The following IL1RAPL2 variants were observed in gnomAD, a reference collection of about 807,000 sequenced individuals.
IL1RAPL2 encodes the protein X-linked interleukin-1 receptor accessory protein-like 2.
A neutral mutation model predicts 44.1 loss-of-function variants in IL1RAPL2; 3 were observed. The ratio of observed to expected loss-of-function variants is 0.07; its 90% CI spans 0.03 to 0.18. The LOEUF (loss-of-function observed/expected upper bound fraction) is 0.18, where lower values mean the gene tolerates loss of function less well. Ranked by LOEUF, IL1RAPL2 falls within the 10% of genes least tolerant of loss-of-function variation. IL1RAPL2 has a pLI of 1.00. For missense variants in IL1RAPL2, 391 were observed against 496.4 expected (o/e 0.79, Z 2.02); for synonymous variants, 181 against 178.8 (o/e 1.01, Z -0.10).
At chrX:104,953,627 TACAATGA>T (rs1331752709) in intron 2 of IL1RAPL2, among the ~76,000 whole-genome samples, 1 of 111,937 alleles carries the variant, frequency 8.9e-6, no homozygotes, top group African/African-American at 3.2e-5. Flanking sequence ...TGGCTTAGTA[TACAATGA>T]ACAATGAATC....
chrX:105,480,200 A>T (rs746844845), intron 5 of IL1RAPL2, among the ~76,000 whole-genome samples: 2 of 112,362 alleles, frequency 1.8e-5, no homozygotes, highest in Admixed American at 1.9e-4. Flanking sequence ...TAAACAAATG[A>T]GTCTACTTAT....
intron 5 of IL1RAPL2, among the ~76,000 whole-genome samples, chrX:105,453,677 C>G (rs954415128): frequency 1.8e-5 from 2 of 111,764 alleles, no homozygotes; most frequent in Non-Finnish European, 3.8e-5. Flanking sequence ...ATCTTACATT[C>G]TCCCAATTCC....
At chrX:105,178,222 A>G (rs2033494602) in intron 2 of IL1RAPL2, among the ~76,000 whole-genome samples, 1 of 111,108 alleles carries the variant, frequency 9.0e-6, no homozygotes, top group Non-Finnish European at 1.9e-5. Context: ...GAGTGAGAAC[A>G]TGTGACGTTT....
chrX:105,440,995 G>A (rs1269682700), intron 5 of IL1RAPL2, among the ~76,000 whole-genome samples: 1 of 112,077 alleles, frequency 8.9e-6, no homozygotes, highest in Non-Finnish European at 1.9e-5. Flanking sequence ...CCCCAGCCAT[G>A]TGGAACTGTG....
chrX:105,458,627 A>G lies in IL1RAPL2; in HGVS notation c.698-25686A>G, dbSNP rs987404953. ...ACCTTCTAAATGTTTAAAGCTTTTC[A>G]AAGCCCTCTATGGCCATCTCATTAC... On this transcript the variant is annotated intron_variant, in intron 5 of 10. Coordinates refer to ENST00000372582, the MANE Select transcript of IL1RAPL2 (RefSeq NM_017416.2). Among the ~76,000 whole-genome samples the G allele has an allele frequency of 3.6e-5, 4 of 111,486 alleles. No homozygotes were observed. The Admixed American group carries it at 3.8e-4, about 11-fold the overall frequency.
chrX:104,928,520 C>T (rs913055432), intron 2 of IL1RAPL2, among the ~76,000 whole-genome samples: 3 of 111,286 alleles, frequency 2.7e-5, no homozygotes, highest in South Asian at 3.8e-4. Flanking sequence ...GAGGCTGTGC[C>T]GCACTTACGG....
At chrX:104,755,648 G>A (rs1932329770) in intron 2 of IL1RAPL2, among the ~76,000 whole-genome samples, 1 of 110,979 alleles carries the variant, frequency 9.0e-6, no homozygotes, top group South Asian at 3.8e-4. Context: ...TGAAAGTTGT[G>A]TCAGAACTTC....
chrX:105,701,775 A>G lies in IL1RAPL2; in HGVS notation c.773-15592A>G, dbSNP rs751867006. ...TATCCTTGTTTTTTGCACTGATATC[A>G]TGTGCATTGTTGTGTTGTTGTTGAT... On this transcript the variant is annotated intron_variant, in intron 6 of 10. Transcript: ENST00000372582. Among the ~76,000 whole-genome samples the G allele has an allele frequency of 5.3e-4, 59 of 112,132 alleles. 1 individual carries two copies. Among genetic ancestry groups the G allele is most frequent in the Admixed American group, 7.6e-4 (8 of 10,549 alleles).
At chrX:105,572,257 G>T (rs976489702) in intron 6 of IL1RAPL2, among the ~76,000 whole-genome samples, 1 of 111,727 alleles carries the variant, frequency 9.0e-6, no homozygotes, top group African/African-American at 3.2e-5. Context: ...TTTAGCATCA[G>T]GGAAAAGAAA....
intron 5 of IL1RAPL2, among the ~76,000 whole-genome samples, chrX:105,329,686 C>T (rs1403995131): frequency 6.3e-5 from 7 of 111,073 alleles, no homozygotes; most frequent in Non-Finnish European, 1.3e-4. Context: ...TCTGGGCTTG[C>T]ACTGTACTGC....
intron 5 of IL1RAPL2, among the ~76,000 whole-genome samples, chrX:105,275,966 C>T (rs1271656135): frequency 8.9e-6 from 1 of 111,814 alleles, no homozygotes; most frequent in African/African-American, 3.3e-5. Context: ...GAGCTCAGGC[C>T]TAAGAATCTC....
At chrX:104,731,949 A>G (rs2147572418) in intron 2 of IL1RAPL2, among the ~76,000 whole-genome samples, 1 of 112,094 alleles carries the variant, frequency 8.9e-6, no homozygotes, top group South Asian at 3.7e-4. Flanking sequence ...AAATACCCCA[A>G]AGCCTCTATA....
chrX:105,359,030 A>C (rs2035228985), intron 5 of IL1RAPL2, among the ~76,000 whole-genome samples: 1 of 112,236 alleles, frequency 8.9e-6, no homozygotes, highest in African/African-American at 3.2e-5. Flanking sequence ...TTCATCAGGC[A>C]GTCTTTGGCC....
chrX:105,205,102 T>G (rs1252958552), intron 3 of IL1RAPL2, among the ~76,000 whole-genome samples: 2 of 110,240 alleles, frequency 1.8e-5, no homozygotes, highest in African/African-American at 6.6e-5. Flanking sequence ...AGGGTCATGT[T>G]AGGGGAGTGA....
chrX:105,144,991 A>T (rs1057364574), intron 2 of IL1RAPL2, among the ~76,000 whole-genome samples: 1 of 111,319 alleles, frequency 9.0e-6, no homozygotes, highest in African/African-American at 3.3e-5. Context: ...AAAGGCAAGG[A>T]CCATATTTTA....
At chrX:105,306,634 G>C (rs1156800671) in intron 5 of IL1RAPL2, among the ~76,000 whole-genome samples, 7 of 111,373 alleles carry the variant, frequency 6.3e-5, no homozygotes, top group Non-Finnish European at 1.3e-4. Flanking sequence ...CTCCTAATTA[G>C]ATTCAGGTCA....
chrX:105,460,302 G>A (rs1412937490), intron 5 of IL1RAPL2, among the ~76,000 whole-genome samples: 3 of 110,650 alleles, frequency 2.7e-5, no homozygotes, highest in Non-Finnish European at 3.8e-5. Context: ...AAATCTTATC[G>A]TATGTCTTAT....
intron 1 of IL1RAPL2, among the ~76,000 whole-genome samples, chrX:104,609,663 C>T (rs1196421188): frequency 6.5e-4 from 73 of 111,820 alleles, no homozygotes; most frequent in African/African-American, 2.2e-3. Context: ...CTTGTACATG[C>T]TTCACGAAGT....
In IL1RAPL2 at chrX:105,462,456, A is replaced by G. The variant is rs1366167144; in HGVS notation, c.698-21857A>G. On this transcript the variant is annotated intron_variant, in intron 5 of 10. Coordinates refer to ENST00000372582, the MANE Select transcript of IL1RAPL2 (RefSeq NM_017416.2). ...AATGAGGAATGCTTGGAATTTATATATAAACAGCATTGTGTTTTGGCCTTA... is the reference window on the plus strand; with the variant it reads ...AATGAGGAATGCTTGGAATTTATATGTAAACAGCATTGTGTTTTGGCCTTA... Among the ~76,000 whole-genome samples, 3 of 111,307 alleles carry G rather than the reference A, an allele frequency of 2.7e-5. No individual in the cohort carries two copies. In the East Asian group the frequency reaches 8.6e-4, roughly 32 times the overall value.
Sources: gnomAD v4.1 joint callset for allele counts (sites outside exome capture counted in the v4.1 genomes callset) on GRCh38, gnomAD v4.1.1 for gene constraint, MANE v1.5 for transcripts, NCBI Gene and HGNC (gene_info 2026-07-23, HGNC 2026-07-21) for gene names.